Variants in GABRA2 observed in about 807,000 individuals in gnomAD.
GABRA2 encodes gamma-aminobutyric acid type A receptor subunit alpha2.
GABRA2 carries 16 observed loss-of-function variants against 48.7 expected under a neutral mutation model. The ratio of observed to expected loss-of-function variants is 0.33; its 90% CI spans 0.22 to 0.50. The LOEUF is 0.50. Among genes scored for constraint, GABRA2 ranks in the 20% least tolerant of loss-of-function variants. GABRA2 has a pLI of 0.98. For synonymous variants in GABRA2, 185 were observed against 184.5 expected (o/e 1.00, Z -0.02); for missense variants, 275 against 535.6 (o/e 0.51, Z 4.80).
chr4:46,281,015 T>A (rs1013036239), intron 8 of GABRA2, among the ~76,000 whole-genome samples: 9 of 152,170 alleles, frequency 5.9e-5, no homozygotes, highest in Admixed American at 1.3e-4. Flanking sequence ...TAAGAGAAGA[T>A]GAAGTTTCTG....
intron 9 of GABRA2, among the ~76,000 whole-genome samples, chr4:46,258,019 T>G (rs1019605737): frequency 6.6e-6 from 1 of 151,836 alleles, no homozygotes; most frequent in Non-Finnish European, 1.5e-5. Flanking sequence ...ATATTCAGGT[T>G]GAGACTGAGG....
At chr4:46,390,193 TCCCCCCCCTCCCCCCCCCC>T, upstream of GABRA2, 1 of 59,316 alleles carries the variant, frequency 1.7e-5, no homozygotes, top group Non-Finnish European at 3.2e-5. Flanking sequence ...GGGCCCCCCC[TCCCCCCCCTCCCCCCCCCC>T]CACACACACA....
chr4:46,382,139 C>A (rs1451131951), intron 3 of GABRA2, among the ~76,000 whole-genome samples: 1 of 150,800 alleles, frequency 6.6e-6, no homozygotes, highest in Non-Finnish European at 1.5e-5. Context: ...CAAAAATGTG[C>A]AATTAATGGT....
At chr4:46,268,747 T>C (rs1202853428) in intron 8 of GABRA2, among the ~76,000 whole-genome samples, 1 of 151,938 alleles carries the variant, frequency 6.6e-6, no homozygotes, top group African/African-American at 2.4e-5. Context: ...TCCATGTTCA[T>C]TACAACACTA....
chr4:46,345,804 CA>C (rs1560557614), intron 3 of GABRA2, among the ~76,000 whole-genome samples: 1 of 151,860 alleles, frequency 6.6e-6, no homozygotes, highest in Non-Finnish European at 1.5e-5. Flanking sequence ...GGAAAAATGA[CA>C]ATAGTTACAG....
chr4:46,275,712 G>T (rs954457986), intron 8 of GABRA2, among the ~76,000 whole-genome samples: 1 of 152,050 alleles, frequency 6.6e-6, no homozygotes, highest in East Asian at 1.9e-4. Flanking sequence ...GCCATAAAAT[G>T]CAGTGTGACT....
chr4:46,326,549 C>T (rs2109780298), intron 4 of GABRA2, among the ~76,000 whole-genome samples: 1 of 151,164 alleles, frequency 6.6e-6, no homozygotes, highest in East Asian at 2.0e-4. Context: ...AAAATGGAAC[C>T]ACCCTTCATT....
At chr4:46,260,690 G>C (rs1231705543) in intron 9 of GABRA2, 1 of 151,702 alleles carries the variant, frequency 6.6e-6, no homozygotes, top group African/African-American at 2.4e-5. Flanking sequence ...ACACCATATG[G>C]GCAATGAAAA....
intron 6 of GABRA2, among the ~76,000 whole-genome samples, chr4:46,309,277 TAC>T (rs1393958036): frequency 6.6e-6 from 1 of 152,128 alleles, no homozygotes; most frequent in Non-Finnish European, 1.5e-5. Flanking sequence ...TTTTGCTTGA[TAC>T]AGTTTGTGAG....
chr4:46,300,833 C>G (rs1177538579), intron 8 of GABRA2, among the ~76,000 whole-genome samples: 1 of 151,998 alleles, frequency 6.6e-6, no homozygotes, highest in Non-Finnish European at 1.5e-5. Flanking sequence ...CCTTTTCTTT[C>G]TTCCTTTTTA....
At chr4:46,343,139 A>C (rs1733579018) in intron 3 of GABRA2, among the ~76,000 whole-genome samples, 1 of 152,004 alleles carries the variant, frequency 6.6e-6, no homozygotes, top group Non-Finnish European at 1.5e-5. Flanking sequence ...AATACTTTAG[A>C]TCTCCCTTAC....
At position 46,247,276 on chromosome 4, in the gene GABRA2, GAA is replaced by G. The variant is rs1713890181; in HGVS notation, c.*3030_*3031del. 6.6e-6 allele frequency among the ~76,000 whole-genome samples: 1 copy of G among 150,944 alleles called. No homozygotes were observed. The highest frequency in any genetic ancestry group is 1.5e-5 in the Non-Finnish European group (1 of 67,380). ...CAAACACATGGGAACATGAACAGGA[GAA>G]AAGAGAAAAACAGCCACCTATCCTA... is the stretch of plus-strand genomic sequence containing the variant. On this transcript the variant is annotated 3_prime_UTR_variant, in exon 10 of 10. Transcript: ENST00000381620.
At chr4:46,332,866 C>T (rs536404644) in intron 3 of GABRA2, among the ~76,000 whole-genome samples, 184 bp from the exon 4 acceptor site, 4 of 152,192 alleles carry the variant, frequency 2.6e-5, no homozygotes, top group African/African-American at 9.6e-5. Flanking sequence ...TGGTTTTCAC[C>T]ATCCTAACTG....
intron 3 of GABRA2, among the ~76,000 whole-genome samples, chr4:46,353,963 A>G (rs569050359): frequency 6.6e-6 from 1 of 152,278 alleles, no homozygotes; most frequent in South Asian, 2.1e-4. Context: ...ATAAATTTCA[A>G]TGGATTAGAA....
At chr4:46,264,004 C>T (rs1017384443) in intron 8 of GABRA2, among the ~76,000 whole-genome samples, 1 of 150,880 alleles carries the variant, frequency 6.6e-6, no homozygotes, top group African/African-American at 2.4e-5. Flanking sequence ...TTTCATACAG[C>T]AACATTCTAT....
intron 3 of GABRA2, among the ~76,000 whole-genome samples, chr4:46,349,204 G>A (rs767178004): frequency 6.6e-5 from 10 of 151,862 alleles, no homozygotes; most frequent in Admixed American, 1.3e-4. Context: ...TATGTGACTC[G>A]CTTTATTGAG....
chr4:46,264,962 A>G (rs1439950641), intron 8 of GABRA2, among the ~76,000 whole-genome samples: 1 of 93,650 alleles, frequency 1.1e-5, no homozygotes, highest in African/African-American at 3.4e-5. Context: ...TTTGGCATAC[A>G]ATTGTTCCCA....
chr4:46,273,504 T>TATGC (rs1719847662), intron 8 of GABRA2, among the ~76,000 whole-genome samples: 1 of 19,996 alleles, frequency 5.0e-5, no homozygotes, highest in East Asian at 1.7e-3. Flanking sequence ...TATATATGCA[T>TATGC]ATATATATAT....
chr4:46,337,680 A>T (rs543976805), intron 3 of GABRA2, among the ~76,000 whole-genome samples: 287 of 150,518 alleles, frequency 1.9e-3, no homozygotes, highest in Non-Finnish European at 2.9e-3. Flanking sequence ...GACTGAGATT[A>T]GCAAATGGTA....
Sources: gnomAD v4.1 joint callset for allele counts (sites outside exome capture counted in the v4.1 genomes callset) on GRCh38, gnomAD v4.1.1 for gene constraint, MANE v1.5 for transcripts, NCBI Gene and HGNC (gene_info 2026-07-23, HGNC 2026-07-21) for gene names.